Variants in RAB33A observed in about 807,000 individuals in gnomAD.
The protein encoded by RAB33A is RAB33A, member RAS oncogene family, also known as ras-related protein Rab-33A.
In RAB33A, 6 loss-of-function variants were observed where a neutral mutation model predicts 12.0. That is an observed-to-expected ratio of 0.50 (90% CI 0.27 to 0.99). The LOEUF (loss-of-function observed/expected upper bound fraction) is 0.99. Ranked by LOEUF, RAB33A falls within the 50% of genes least tolerant of loss-of-function variation. The probability of loss-of-function intolerance (pLI) is 0.11; values close to 1 mark genes in which losing one functional copy is unlikely to be tolerated. For synonymous variants in RAB33A, 70 were observed against 82.4 expected (o/e 0.85, Z 0.81); for missense variants, 109 against 192.0 (o/e 0.57, Z 2.55).
chrX:130,151,108 A>G, the RAB33A span, among the ~76,000 whole-genome samples: 2 of 109,992 alleles, frequency 1.8e-5, no homozygotes, highest in Non-Finnish European at 3.8e-5. Context: ...AGGAGAAAGT[A>G]AAGACAATCA....
the RAB33A span, chrX:130,149,391 T>C: frequency 1.2e-6 from 1 of 856,285 alleles, no homozygotes; most frequent in African/African-American, 2.0e-5. Context: ...AAGACATCCA[T>C]AAATCACAGC....
At chrX:130,165,668 C>G in the RAB33A span, 1 of 1,170,729 alleles carries the variant, frequency 8.5e-7, no homozygotes, top group East Asian at 3.1e-5. Flanking sequence ...TCGGCGACCG[C>G]TATTCGGGAC....
chrX:130,112,415 G>A, the RAB33A span, among the ~76,000 whole-genome samples: 1 of 111,464 alleles, frequency 9.0e-6, no homozygotes. Context: ...GCACACGCGT[G>A]CACACACACA....
At chrX:130,148,613 C>T in the RAB33A span, among the ~76,000 whole-genome samples, 1 of 110,095 alleles carries the variant, frequency 9.1e-6, no homozygotes, top group African/African-American at 3.3e-5. Context: ...GCAGGCGGAT[C>T]ACCTGAGGTC....
At chrX:130,122,674 G>T in the RAB33A span, among the ~76,000 whole-genome samples, 1 of 112,028 alleles carries the variant, frequency 8.9e-6, no homozygotes, top group African/African-American at 3.2e-5. Context: ...CCTGGGTTAT[G>T]ATGGCTGTCC....
At chrX:130,154,221 C>T in the RAB33A span, among the ~76,000 whole-genome samples, 1 of 112,011 alleles carries the variant, frequency 8.9e-6, no homozygotes, top group African/African-American at 3.2e-5. Flanking sequence ...GGAACTTGTG[C>T]TTCTTAGATA....
chrX:130,124,754 G>A, the RAB33A span, among the ~76,000 whole-genome samples: 4 of 112,518 alleles, frequency 3.6e-5, no homozygotes, highest in Non-Finnish European at 7.5e-5. Context: ...GGAAGAGGGC[G>A]CTAGAAAAGA....
the RAB33A span, among the ~76,000 whole-genome samples, chrX:130,165,319 G>A: frequency 8.9e-6 from 1 of 111,887 alleles, no homozygotes; most frequent in Non-Finnish European, 1.9e-5. Context: ...AAACGCTCCC[G>A]GGAAAAGGCC....
At chrX:130,131,016 C>T in the RAB33A span, among the ~76,000 whole-genome samples, 1 of 112,552 alleles carries the variant, frequency 8.9e-6, no homozygotes, top group East Asian at 2.8e-4. Flanking sequence ...TAAACAGCAC[C>T]TTGCCCTTGA....
At chrX:130,158,088 C>A in the RAB33A span, among the ~76,000 whole-genome samples, 1 of 108,505 alleles carries the variant, frequency 9.2e-6, no homozygotes, top group Non-Finnish European at 1.9e-5. Flanking sequence ...CATGGAGAAA[C>A]CCTGTTTCTA....
the RAB33A span, chrX:130,137,611 C>T: frequency 9.7e-6 from 11 of 1,130,974 alleles, no homozygotes; most frequent in Non-Finnish European, 1.3e-5. Context: ...CCATCATGTG[C>T]CCAAAGAAGT....
the RAB33A span, among the ~76,000 whole-genome samples, chrX:130,161,015 C>T: frequency 1.6e-4 from 18 of 111,299 alleles, no homozygotes; most frequent in African/African-American, 5.2e-4. Flanking sequence ...CCTCAAACAC[C>T]ATAGACCAGC....
At chrX:130,138,465 A>G in the RAB33A span, 2 of 484,081 alleles carry the variant, frequency 4.1e-6, no homozygotes, top group Non-Finnish European at 7.0e-6. Context: ...ACTCCATCTC[A>G]AAAAAAAATA....
chrX:130,117,476 A>G, the RAB33A span, among the ~76,000 whole-genome samples: 7 of 111,764 alleles, frequency 6.3e-5, no homozygotes, highest in Non-Finnish European at 1.1e-4. Context: ...TTGTTTGGGA[A>G]ACAGATTCCG....
In RAB33A at chrX:130,183,795, GA is replaced by G. The variant is rs776710495; in HGVS notation, c.259-485del. On this transcript the variant is annotated intron_variant, in intron 1 of 1. Coordinates refer to ENST00000257017, the MANE Select transcript of RAB33A (RefSeq NM_004794.3). Reference sequence around the variant, plus strand: ...CAAGATTTTCAGTTAACAATCTTAAGAAAAACTTGACAAATCCTGAAACTTC... The same window carrying G: ...CAAGATTTTCAGTTAACAATCTTAAGAAAACTTGACAAATCCTGAAACTTC... 8.9e-5 allele frequency among the ~76,000 whole-genome samples: 10 copies of G among 112,102 alleles called. No individual in the cohort carries two copies. The South Asian group carries it at 3.7e-3, about 41-fold the overall frequency.
the RAB33A span, among the ~76,000 whole-genome samples, chrX:130,139,332 G>GAA: frequency 1.1e-5 from 1 of 94,083 alleles, no homozygotes; most frequent in Non-Finnish European, 2.1e-5. Context: ...ATTCAGTCTC[G>GAA]AAAAAAAAAA....
the RAB33A span, among the ~76,000 whole-genome samples, chrX:130,113,572 C>T: frequency 1.8e-5 from 2 of 110,049 alleles, no homozygotes; most frequent in African/African-American, 3.3e-5. Context: ...TATAGGCATA[C>T]GCCACCACAC....
chrX:130,145,690 C>T, the RAB33A span: 1 of 542,637 alleles, frequency 1.8e-6, no homozygotes, highest in East Asian at 3.8e-5. Flanking sequence ...CAAAGTAAGT[C>T]TCCAAGTCTA....
At chrX:130,165,575 G>A in the RAB33A span, 1 of 1,198,780 alleles carries the variant, frequency 8.3e-7, no homozygotes, top group South Asian at 1.8e-5. Context: ...CTCTGCCTCG[G>A]GCTTCGGACG....
Sources: allele counts gnomAD v4.1 joint callset (sites outside exome capture counted in the v4.1 genomes callset), GRCh38; gene constraint gnomAD v4.1.1; transcripts MANE v1.5; gene names NCBI Gene and HGNC (gene_info 2026-07-23, HGNC 2026-07-21).